The following DDX46 variants were observed in gnomAD, a reference collection of about 807,000 sequenced individuals.
The protein encoded by DDX46 is DEAD-box helicase 46, also known as probable ATP-dependent RNA helicase DDX46.
DDX46 carries 30 observed loss-of-function variants against 134.9 expected under a neutral mutation model. The observed-to-expected ratio is 0.22, with a 90% CI of 0.17 to 0.30. The LOEUF (loss-of-function observed/expected upper bound fraction) is 0.30, where lower values mean the gene tolerates loss of function less well. Among genes scored for constraint, DDX46 ranks in the 10% least tolerant of loss-of-function variants. The pLI is 1.00. For missense variants in DDX46, 622 were observed against 1,248.7 expected (o/e 0.50, Z 7.56); for synonymous variants, 415 against 404.1 (o/e 1.03, Z -0.32).
intron 21 of DDX46, among the ~76,000 whole-genome samples, chr5:134,824,832 T>A (rs1474788270): frequency 6.6e-6 from 1 of 152,214 alleles, no homozygotes; most frequent in African/African-American, 2.4e-5. Flanking sequence ...GGCTGGCTCC[T>A]TGGAGGCTCT....
chr5:134,772,687 G>T (rs1006844429), intron 4 of DDX46, among the ~76,000 whole-genome samples: 1 of 152,212 alleles, frequency 6.6e-6, no homozygotes, highest in Middle Eastern at 3.4e-3. Context: ...GGTATTTTTC[G>T]TAGAAATGGG....
chr5:134,821,513 T>C (rs1486946589), intron 21 of DDX46, among the ~76,000 whole-genome samples: 2 of 151,384 alleles, frequency 1.3e-5, no homozygotes, highest in African/African-American at 4.9e-5. Context: ...CCATTTTGAT[T>C]TGCTCTTGTT....
chr5:134,803,918 CTTTTTTTTTTTT>C lies in DDX46; in HGVS notation c.1955-3817_1955-3806del, dbSNP rs201944776. Among the ~76,000 whole-genome samples the C allele has an allele frequency of 5.5e-3, 521 of 94,902 alleles. 1 individual carries two copies. Among genetic ancestry groups the C allele is most frequent in the African/African-American group, 0.018 (468 of 26,188 alleles). 62.3% of individuals were successfully genotyped at this position (94,902 alleles called of 152,430 possible). A position where few individuals can be genotyped will look rare whatever the true frequency, so the allele number is the denominator to read the frequency against. ...AGAATGACAAGTGATGATGATTCTT[CTTTTTTTTTTTT>C]TTTTTTTTTTTTGAGACAATTTCTT... On this transcript the variant is annotated intron_variant, in intron 15 of 22. Coordinates refer to ENST00000452510, the MANE Select transcript of DDX46 (RefSeq NM_001300860.2).
chr5:134,822,447 C>T (rs1283557257), intron 21 of DDX46, among the ~76,000 whole-genome samples: 1 of 152,008 alleles, frequency 6.6e-6, no homozygotes, highest in Non-Finnish European at 1.5e-5. Context: ...ATCCTCTATC[C>T]TTAGCCTCCT....
intron 15 of DDX46, among the ~76,000 whole-genome samples, chr5:134,807,185 T>G (rs1388771935): frequency 6.6e-6 from 1 of 150,718 alleles, no homozygotes; most frequent in African/African-American, 2.4e-5. Context: ...CTTTTTTTTT[T>G]TTTTTTTTGT....
intron 21 of DDX46, among the ~76,000 whole-genome samples, chr5:134,819,415 TAAG>T (rs1223642290): frequency 8.5e-5 from 13 of 152,186 alleles, no homozygotes; most frequent in Admixed American, 8.5e-4. Flanking sequence ...TTTAACAAAA[TAAG>T]AAGTAGACAA....
chr5:134,816,301 A>T lies in DDX46; in HGVS notation c.2437-129A>T, dbSNP rs1380381358. ...TTTTCCCATGGATCTGTGTAGTAGG[A>T]TTTGTGTAAATATAACTATCTGATT... On this transcript the variant is annotated intron_variant, in intron 18 of 22. Coordinates refer to ENST00000452510, the MANE Select transcript of DDX46 (RefSeq NM_001300860.2). The T allele has an allele frequency of 9.7e-6, 8 of 825,912 alleles. No individual in the cohort carries two copies. In the East Asian group the frequency reaches 1.4e-4, roughly 14 times the overall value. 51.2% of individuals were successfully genotyped at this position (825,912 alleles called of 1,614,324 possible).
intron 2 of DDX46, among the ~76,000 whole-genome samples, chr5:134,765,630 G>A (rs1753544630): frequency 6.6e-6 from 1 of 152,102 alleles, no homozygotes; most frequent in African/African-American, 2.4e-5. Flanking sequence ...AGAGATGGGG[G>A]TCTTAACTGT....
At chr5:134,809,795 G>C (rs892738896) in intron 16 of DDX46, among the ~76,000 whole-genome samples, 2 of 152,076 alleles carry the variant, frequency 1.3e-5, no homozygotes, top group African/African-American at 4.8e-5. Flanking sequence ...GATCACCTGA[G>C]GTTGGGAGTT....
intron 18 of DDX46, 83 bp from the exon 19 acceptor site, chr5:134,816,347 T>G (rs1009618541): frequency 7.7e-7 from 1 of 1,302,666 alleles, no homozygotes; most frequent in Admixed American, 2.6e-5. Flanking sequence ...GGTGGAAACA[T>G]TCCTTATTTA....
At chr5:134,828,528 A>G (rs535284201) in intron 22 of DDX46, 131 bp from the exon 23 acceptor site, 2 of 516,924 alleles carry the variant, frequency 3.9e-6, no homozygotes, top group East Asian at 3.4e-5. Context: ...CAATAGTTTT[A>G]TAAGTTGGCA....
intron 1 of DDX46, among the ~76,000 whole-genome samples, chr5:134,761,682 C>T (rs944320884): frequency 2.0e-5 from 3 of 152,188 alleles, no homozygotes; most frequent in Admixed American, 2.0e-4. Flanking sequence ...GGATTTCTCC[C>T]TCAGCCTTCC....
At chr5:134,777,217 C>CA (rs1290507868) in intron 5 of DDX46, among the ~76,000 whole-genome samples, 3 of 151,794 alleles carry the variant, frequency 2.0e-5, no homozygotes, top group South Asian at 4.1e-4. Flanking sequence ...GACTCCGTCT[C>CA]AAAAAAAACA....
At chr5:134,805,720 A>G (rs1363596856) in intron 15 of DDX46, among the ~76,000 whole-genome samples, 1 of 151,112 alleles carries the variant, frequency 6.6e-6, no homozygotes, top group African/African-American at 2.4e-5. Flanking sequence ...TTTAGAAGAG[A>G]CAGGGTTTCA....
intron 18 of DDX46, among the ~76,000 whole-genome samples, chr5:134,812,773 G>C (rs376040562): frequency 2.0e-5 from 3 of 151,900 alleles, no homozygotes; most frequent in Non-Finnish European, 4.4e-5. Context: ...TAGTAGCTGG[G>C]ATTACAGGCA....
chr5:134,828,603 T>G (rs557909137), intron 22 of DDX46, 56 bp from the exon 23 acceptor site: 45 of 1,263,526 alleles, frequency 3.6e-5, no homozygotes, highest in East Asian at 2.7e-4. Context: ...CGTTTTTTTT[T>G]TTTGTTTTTT....
chr5:134,767,813 G>A (rs566340840), intron 3 of DDX46, among the ~76,000 whole-genome samples: 55 of 151,914 alleles, frequency 3.6e-4, no homozygotes, highest in Non-Finnish European at 7.2e-4. Flanking sequence ...AGCTGGGCGT[G>A]GTGGCGTATG....
chr5:134,824,312 G>A (rs1755531418), intron 21 of DDX46, among the ~76,000 whole-genome samples: 1 of 152,174 alleles, frequency 6.6e-6, no homozygotes, highest in Admixed American at 6.5e-5. Context: ...AATGATAATG[G>A]CCGGGCGCGG....
intron 14 of DDX46, 95 bp from the exon 15 acceptor site, chr5:134,795,893 T>C: frequency 9.1e-7 from 1 of 1,096,678 alleles, no homozygotes; most frequent in Non-Finnish European, 1.3e-6. Context: ...AGCAAGATAT[T>C]GTCATTCATT....
Sources: gnomAD v4.1 joint callset for allele counts (sites outside exome capture counted in the v4.1 genomes callset) on GRCh38, gnomAD v4.1.1 for gene constraint, MANE v1.5 for transcripts, NCBI Gene and HGNC (gene_info 2026-07-23, HGNC 2026-07-21) for gene names.